The following HSDL2 variants were observed in gnomAD, a reference collection of about 807,000 sequenced individuals.
HSDL2 encodes hydroxysteroid dehydrogenase-like protein 2.
In HSDL2, 27 loss-of-function variants were observed where a neutral mutation model predicts 46.3. That is an observed-to-expected ratio of 0.58 (90% CI 0.43 to 0.80). The LOEUF is 0.80. HSDL2 is among the 30% of genes least tolerant of loss of function. The pLI is 0.00. For missense variants in HSDL2, 451 were observed against 502.7 expected (o/e 0.90, Z 0.98); for synonymous variants, 153 against 163.6 (o/e 0.94, Z 0.50).
intron 10 of HSDL2, among the ~76,000 whole-genome samples, chr9:112,462,565 T>C (rs1250154471): frequency 3.3e-5 from 5 of 150,896 alleles, no homozygotes; most frequent in Non-Finnish European, 5.9e-5. Context: ...AGAAATAAAG[T>C]AAATTGAGCA....
chr9:112,413,016 A>T (rs1831913033), intron 4 of HSDL2, among the ~76,000 whole-genome samples: 1 of 152,128 alleles, frequency 6.6e-6, no homozygotes, highest in Non-Finnish European at 1.5e-5. Context: ...TACCTTTATA[A>T]ACAGCCACTT....
chr9:112,459,676 T>C (rs1390443529), intron 10 of HSDL2, 99 bp downstream of exon 10: 17 of 1,036,150 alleles, frequency 1.6e-5, no homozygotes, highest in South Asian at 5.8e-5. Flanking sequence ...CTTGTAAATG[T>C]TGGCAGCAGT....
intron 2 of HSDL2, among the ~76,000 whole-genome samples, chr9:112,405,005 G>C (rs537473605): frequency 6.6e-6 from 1 of 152,282 alleles, no homozygotes; most frequent in South Asian, 2.1e-4. Context: ...GTTTATTACA[G>C]CATCTTTACA....
chr9:112,383,194 C>T (rs1285972718), intron 1 of HSDL2, among the ~76,000 whole-genome samples: 1 of 152,036 alleles, frequency 6.6e-6, no homozygotes, highest in Non-Finnish European at 1.5e-5. Flanking sequence ...CTGCCTTAGC[C>T]TCACAAGTAG....
At chr9:112,412,764 T>C (rs1831904298) in intron 4 of HSDL2, among the ~76,000 whole-genome samples, 1 of 152,196 alleles carries the variant, frequency 6.6e-6, no homozygotes, top group South Asian at 2.1e-4. Context: ...TTTTCAAAAA[T>C]GAAAGTGATG....
chr9:112,405,149 C>T (rs1402658011), intron 2 of HSDL2, among the ~76,000 whole-genome samples: 3 of 152,026 alleles, frequency 2.0e-5, no homozygotes, highest in African/African-American at 7.2e-5. Context: ...GTCAGGAGTG[C>T]GAGACCAGCC....
At chr9:112,449,528 T>TTTATTTGGAGAGTATAAAGATTTACA (rs1281156208) in intron 8 of HSDL2, among the ~76,000 whole-genome samples, 1 of 152,192 alleles carries the variant, frequency 6.6e-6, no homozygotes, top group African/African-American at 2.4e-5. Context: ...CTGATTATCT[T>TTTATTTGGAGAGTATAAAGATTTACA]TTTAATAACA....
chr9:112,396,739 A>G (rs1303374798), intron 1 of HSDL2, among the ~76,000 whole-genome samples: 1 of 152,180 alleles, frequency 6.6e-6, no homozygotes, highest in East Asian at 1.9e-4. Context: ...TTAAAGGGAA[A>G]GAATTAGGTA....
intron 6 of HSDL2, among the ~76,000 whole-genome samples, chr9:112,435,295 T>C (rs1284235976): frequency 6.6e-6 from 1 of 151,788 alleles, no homozygotes. Context: ...TAATTTAGAG[T>C]TTTTAAGGAT....
chr9:112,457,680 G>A (rs1184318814), intron 9 of HSDL2, among the ~76,000 whole-genome samples: 1 of 152,174 alleles, frequency 6.6e-6, no homozygotes, highest in Admixed American at 6.6e-5. Flanking sequence ...CTGTTCTTCA[G>A]TAGTCTTCTC....
At chr9:112,453,442 G>A (rs993826179) in intron 8 of HSDL2, among the ~76,000 whole-genome samples, 4 of 152,174 alleles carry the variant, frequency 2.6e-5, no homozygotes, top group Non-Finnish European at 5.9e-5. Flanking sequence ...ACCAAGGCTG[G>A]AGTGCAGTAG....
chr9:112,455,275 C>T (rs552311055), intron 9 of HSDL2, among the ~76,000 whole-genome samples: 7 of 148,320 alleles, frequency 4.7e-5, no homozygotes, highest in South Asian at 2.2e-4. Flanking sequence ...AGATAAAATT[C>T]GTGTTAAAAA....
At position 112,392,140 on chromosome 9, in the gene HSDL2, T is replaced by A. The variant is rs563036386; in HGVS notation, c.18-11855T>A. Among the ~76,000 whole-genome samples the A allele has an allele frequency of 9.0e-4, 137 of 151,680 alleles. 1 individual carries two copies. The highest frequency in any genetic ancestry group is 3.4e-3 in the Middle Eastern group (1 of 294). On this transcript the variant is annotated intron_variant, in intron 1 of 10. Transcript: ENST00000398805. ...CAGACCAGAAAGTTTTTATTAAGAGTTTCAAAAGAGGGGGAGGTGTAAGAA... is the reference window on the plus strand; with the variant it reads ...CAGACCAGAAAGTTTTTATTAAGAGATTCAAAAGAGGGGGAGGTGTAAGAA...
intron 6 of HSDL2, among the ~76,000 whole-genome samples, chr9:112,430,083 CAAAA>C (rs112160941): frequency 4.4e-5 from 6 of 137,416 alleles, no homozygotes; most frequent in Middle Eastern, 3.6e-3. Context: ...AACCCTATCT[CAAAA>C]AAAAAAAAAG....
chr9:112,426,018 G>A (rs1832236060), intron 6 of HSDL2, among the ~76,000 whole-genome samples: 1 of 152,124 alleles, frequency 6.6e-6, no homozygotes, highest in African/African-American at 2.4e-5. Flanking sequence ...TGGCATTACA[G>A]GCGTGAGCTA....
intron 4 of HSDL2, among the ~76,000 whole-genome samples, 195 bp from the exon 5 acceptor site, chr9:112,416,646 G>C (rs1427377453): frequency 6.7e-6 from 1 of 149,616 alleles, no homozygotes; most frequent in Non-Finnish European, 1.5e-5. Flanking sequence ...CACACCTGTA[G>C]TTCCAGCTAC....
intron 4 of HSDL2, among the ~76,000 whole-genome samples, chr9:112,415,200 A>G (rs1831964052): frequency 6.6e-6 from 1 of 152,202 alleles, no homozygotes; most frequent in Admixed American, 6.5e-5. Context: ...GGCATATTTT[A>G]TATTGGTGAA....
chr9:112,394,954 A>C (rs1831425480), intron 1 of HSDL2, among the ~76,000 whole-genome samples: 1 of 152,200 alleles, frequency 6.6e-6, no homozygotes, highest in Non-Finnish European at 1.5e-5. Flanking sequence ...ACATAAGCCC[A>C]ATAAGAATAA....
At chr9:112,409,056 T>C in intron 4 of HSDL2, 35 bp downstream of exon 4, 1 of 1,228,388 alleles carries the variant, frequency 8.1e-7, no homozygotes, top group Non-Finnish European at 1.2e-6. Context: ...GGGAGGAAGT[T>C]GCGGTGTTTC....
Sources: gnomAD v4.1 joint callset for allele counts (sites outside exome capture counted in the v4.1 genomes callset) on GRCh38, gnomAD v4.1.1 for gene constraint, MANE v1.5 for transcripts, NCBI Gene and HGNC (gene_info 2026-07-23, HGNC 2026-07-21) for gene names.